The following UNC5D variants were observed in gnomAD, a reference collection of about 807,000 sequenced individuals.
UNC5D encodes netrin receptor UNC5D.
A neutral mutation model predicts 105.4 loss-of-function variants in UNC5D; 39 were observed. The observed-to-expected ratio is 0.37, with a 90% CI of 0.29 to 0.48. The LOEUF (loss-of-function observed/expected upper bound fraction) is 0.48, where lower values mean the gene tolerates loss of function less well. Among genes scored for constraint, UNC5D ranks in the 20% least tolerant of loss-of-function variants. UNC5D has a pLI of 0.98. For missense variants in UNC5D, 991 were observed against 1,202.4 expected (o/e 0.82, Z 2.60); for synonymous variants, 452 against 450.4 (o/e 1.00, Z -0.04).
chr8:35,503,242 G>A (rs1048757795), intron 1 of UNC5D, among the ~76,000 whole-genome samples: 6 of 152,184 alleles, frequency 3.9e-5, no homozygotes, highest in Non-Finnish European at 7.4e-5. Flanking sequence ...TTTTCATGCC[G>A]CTGATAAAGA....
intron 10 of UNC5D, among the ~76,000 whole-genome samples, chr8:35,729,925 C>CAAT (rs1829095372): frequency 1.3e-5 from 2 of 152,110 alleles, no homozygotes; most frequent in Admixed American, 1.3e-4. Flanking sequence ...ACTTGTTTTG[C>CAAT]AATAAGGTTT....
intron 8 of UNC5D, among the ~76,000 whole-genome samples, chr8:35,707,267 G>C (rs1319952490): frequency 6.6e-6 from 1 of 152,146 alleles, no homozygotes; most frequent in African/African-American, 2.4e-5. Flanking sequence ...CTTCAGGAAG[G>C]CTGGAGATAC....
intron 1 of UNC5D, among the ~76,000 whole-genome samples, chr8:35,330,816 T>C (rs1563319200): frequency 6.6e-6 from 1 of 152,162 alleles, no homozygotes; most frequent in Non-Finnish European, 1.5e-5. Flanking sequence ...GCTTTGGCTT[T>C]CGAGTGTATT....
intron 1 of UNC5D, among the ~76,000 whole-genome samples, chr8:35,380,002 C>A (rs898568343): frequency 1.4e-5 from 2 of 144,278 alleles, no homozygotes; most frequent in Non-Finnish European, 3.0e-5. Context: ...GCTGGGACAC[C>A]CATGATAAAG....
At chr8:35,761,356 T>C (rs1801523160) in intron 14 of UNC5D, among the ~76,000 whole-genome samples, 1 of 152,084 alleles carries the variant, frequency 6.6e-6, no homozygotes, top group South Asian at 2.1e-4. Flanking sequence ...GAAGGAACCA[T>C]TACCTTGCAG....
chr8:35,263,754 G>A (rs1256886523), intron 1 of UNC5D, among the ~76,000 whole-genome samples: 1 of 152,214 alleles, frequency 6.6e-6, no homozygotes, highest in Non-Finnish European at 1.5e-5. Flanking sequence ...ATTAGAATTA[G>A]GTGGCTGATT....
intron 4 of UNC5D, among the ~76,000 whole-genome samples, chr8:35,635,432 G>T (rs1269523781): frequency 6.6e-6 from 1 of 152,142 alleles, no homozygotes; most frequent in Non-Finnish European, 1.5e-5. Flanking sequence ...CTTGTCCAAG[G>T]TCTACTCACC....
intron 1 of UNC5D, among the ~76,000 whole-genome samples, chr8:35,541,148 G>A (rs114872757): frequency 0.013 from 2,004 of 152,234 alleles, 53 homozygotes; most frequent in African/African-American, 0.046. Context: ...ACCAAAATAG[G>A]TTTAGAGAGA....
intron 1 of UNC5D, among the ~76,000 whole-genome samples, chr8:35,409,782 G>A (rs944250530): frequency 1.3e-5 from 2 of 151,868 alleles, no homozygotes; most frequent in Admixed American, 1.3e-4. Context: ...ATGCCTTGAT[G>A]TCACATCTAA....
At chr8:35,703,954 A>G (rs1827370490) in intron 7 of UNC5D, among the ~76,000 whole-genome samples, 1 of 152,178 alleles carries the variant, frequency 6.6e-6, no homozygotes, top group Non-Finnish European at 1.5e-5. Context: ...TCTTGAATGC[A>G]TTAGCATCTG....
At chr8:35,590,506 T>A (rs990718288) in intron 3 of UNC5D, among the ~76,000 whole-genome samples, 6 of 152,216 alleles carry the variant, frequency 3.9e-5, no homozygotes, top group African/African-American at 1.4e-4. Context: ...TGTGTCACTT[T>A]AATCATATCC....
At chr8:35,774,788 ATGG>A (rs1345481309) in intron 16 of UNC5D, among the ~76,000 whole-genome samples, 4 of 152,078 alleles carry the variant, frequency 2.6e-5, no homozygotes, top group African/African-American at 7.2e-5. Flanking sequence ...TTAGCTGGGC[ATGG>A]TGGTGCACGC....
rs1302915684 is a variant in UNC5D at position 35,748,551 on chromosome 8, G to A, written c.1791G>A (p.Val597=). The change falls in exon 12 of 17, where the codon GTG becomes GTA. Residue 597 remains valine, a synonymous_variant. Transcript: ENST00000404895. ...GCCTCCAGTCAGATGGCTCTGAGGT[G>A]CTCCTGAGTCCTGAAGTCACCTGTG... ...EPSLQSDGSE[V]LLSPEVTCGP... is the part of the protein sequence containing the mutation. 1.2e-6 allele frequency: 2 copies of A among 1,613,804 alleles called. No homozygotes were observed. Among genetic ancestry groups the A allele is most frequent in the Non-Finnish European group, 1.7e-6 (2 of 1,179,886 alleles).
chr8:35,648,980 G>A (rs1055919332), intron 4 of UNC5D, among the ~76,000 whole-genome samples: 2 of 152,052 alleles, frequency 1.3e-5, no homozygotes, highest in Non-Finnish European at 2.9e-5. Flanking sequence ...GTCTAGTAAG[G>A]CAATACAATG....
chr8:35,591,864 C>T (rs947408043), intron 3 of UNC5D, among the ~76,000 whole-genome samples: 2 of 152,180 alleles, frequency 1.3e-5, no homozygotes, highest in African/African-American at 4.8e-5. Flanking sequence ...ACATTTCTTA[C>T]TCTGTTACCA....
intron 1 of UNC5D, among the ~76,000 whole-genome samples, chr8:35,331,332 G>T (rs1268394908): frequency 6.6e-6 from 1 of 152,114 alleles, no homozygotes; most frequent in Non-Finnish European, 1.5e-5. Context: ...CCTGAGCACT[G>T]ATGTCATTTC....
chr8:35,485,602 C>G (rs1563463179), intron 1 of UNC5D, among the ~76,000 whole-genome samples: 1 of 152,110 alleles, frequency 6.6e-6, no homozygotes. Context: ...CTTCGTGGCA[C>G]AACTCGGCAA....
chr8:35,347,111 G>A (rs1811858990), intron 1 of UNC5D, among the ~76,000 whole-genome samples: 1 of 152,046 alleles, frequency 6.6e-6, no homozygotes, highest in Admixed American at 6.6e-5. Context: ...ACAGCTTAAT[G>A]TTTTGGAAAA....
At chr8:35,540,087 A>G (rs1815157018) in intron 1 of UNC5D, among the ~76,000 whole-genome samples, 1 of 152,192 alleles carries the variant, frequency 6.6e-6, no homozygotes, top group Non-Finnish European at 1.5e-5. Flanking sequence ...TACAAATGAA[A>G]AGCGATAACA....
Sources: gnomAD v4.1 joint callset for allele counts (sites outside exome capture counted in the v4.1 genomes callset) on GRCh38, gnomAD v4.1.1 for gene constraint, MANE v1.5 for transcripts, NCBI Gene and HGNC (gene_info 2026-07-23, HGNC 2026-07-21) for gene names.